The following ERAP2 variants were observed in gnomAD, a reference collection of about 807,000 sequenced individuals.
ERAP2 encodes the protein leukocyte-derived arginine aminopeptidase.
Under a neutral mutation model 111.1 loss-of-function variants are expected in ERAP2, and 118 were observed. That is an observed-to-expected ratio of 1.06 (90% CI 0.92 to 1.24). The LOEUF (loss-of-function observed/expected upper bound fraction) is 1.24, where lower values mean the gene tolerates loss of function less well. Among genes scored for constraint, ERAP2 ranks in the 50% most tolerant of loss-of-function variants. The pLI, the probability that ERAP2 is intolerant of heterozygous loss-of-function variation, is 0.00. For missense variants in ERAP2, 1,131 were observed against 1,125.8 expected (o/e 1.00, Z -0.07); for synonymous variants, 410 against 401.2 (o/e 1.02, Z -0.26).
At chr5:96,895,179 A>ACT (rs1554057217) in intron 6 of ERAP2, 67 bp from the exon 7 acceptor site, 4 of 937,634 alleles carry the variant, frequency 4.3e-6, no homozygotes, top group Admixed American at 4.8e-5. Flanking sequence ...TAACTATTGT[A>ACT]TTTTTTGCTA....
intron 18 of ERAP2, among the ~76,000 whole-genome samples, chr5:96,916,228 CA>C (rs1485865132): frequency 1.7e-5 from 2 of 117,100 alleles, no homozygotes; most frequent in East Asian, 2.6e-4. Context: ...CTCAAAAAAA[CA>C]AAAAACAAAA....
rs370227654 is a variant in ERAP2 at position 96,917,632 on chromosome 5, C to A, written c.*27C>A. On this transcript the variant is annotated 3_prime_UTR_variant, in exon 19 of 19. Transcript: ENST00000437043. ...TGGTCAATAGAAAAAGTAGGCTGGG[C>A]GCGGTGGCTCACGCCTGTAATCCCA... 1.9e-6 allele frequency: 3 copies of A among 1,586,186 alleles called. No individual in the cohort carries two copies. Among genetic ancestry groups the A allele is most frequent in the East Asian group, 4.6e-5 (2 of 43,404 alleles).
intron 15 of ERAP2, among the ~76,000 whole-genome samples, chr5:96,910,710 C>T (rs1158318258): frequency 2.6e-5 from 4 of 152,200 alleles, no homozygotes; most frequent in African/African-American, 9.7e-5. Context: ...TTTATGCTCA[C>T]AATCAAAAAT....
chr5:96,876,117 T>A (rs1221044181), upstream of ERAP2: 3 of 152,012 alleles, frequency 2.0e-5, no homozygotes, highest in Non-Finnish European at 4.4e-5. Flanking sequence ...GTTTGTGGGG[T>A]GGATGGGCAG....
At chr5:96,917,315 T>A in intron 18 of ERAP2, 147 bp from the exon 19 acceptor site, 1 of 565,888 alleles carries the variant, frequency 1.8e-6, no homozygotes, top group Admixed American at 3.5e-5. Context: ...AGTCAGGGGT[T>A]CTGGCATGTT....
rs1213585675 is a variant in ERAP2 at position 96,892,307 on chromosome 5, G to A, written c.979G>A (p.Ala327Thr). Residue 327 changes from alanine (A) to threonine (T), a missense_variant, in exon 6 of 19, where the codon GCT (alanine) becomes ACT (threonine). By Grantham distance (58) the Ala-to-Thr change is moderately conservative. Transcript: ENST00000437043. ...TTGTTCTTATTTCTTAGATTTAATT[G>A]CTATTCCTGACTTTGCACCTGGAGC... is the stretch of plus-strand genomic sequence containing the variant. The part of the protein sequence containing the change: ...YYPLSKLDLI[A>T]IPDFAPGAME... 2 of 1,613,686 alleles carry A rather than the reference G, an allele frequency of 1.2e-6. No individual in the cohort carries two copies. Among genetic ancestry groups the A allele is most frequent in the Admixed American group, 3.3e-5 (2 of 59,974 alleles).
intron 5 of ERAP2, 78 bp downstream of exon 5, chr5:96,889,383 A>G (rs745360068): frequency 7.3e-6 from 11 of 1,507,188 alleles, no homozygotes; most frequent in Admixed American, 1.7e-5. Context: ...TTCTCTTTCT[A>G]TGTGATTTAA....
chr5:96,889,103 T>C, intron 4 of ERAP2, 82 bp from the exon 5 acceptor site: 1 of 1,534,968 alleles, frequency 6.5e-7, no homozygotes, highest in East Asian at 2.3e-5. Flanking sequence ...ACAGTCTGCC[T>C]TTCTGTGTGA....
chr5:96,911,502 T>A (rs1786735059), intron 15 of ERAP2, among the ~76,000 whole-genome samples: 1 of 152,002 alleles, frequency 6.6e-6, no homozygotes, highest in Admixed American at 6.5e-5. Context: ...TTTTAAAAAA[T>A]TATAAAATAA....
At chr5:96,876,280 C>G (rs1271175726), upstream of ERAP2, 1 of 152,352 alleles carries the variant, frequency 6.6e-6, no homozygotes, top group Non-Finnish European at 1.5e-5. Context: ...GAAGTGGCAG[C>G]CACTGGCGAT....
chr5:96,883,369 T>C (rs1783358190), intron 2 of ERAP2, among the ~76,000 whole-genome samples: 1 of 152,230 alleles, frequency 6.6e-6, no homozygotes, highest in Non-Finnish European at 1.5e-5. Context: ...ATCACTCATG[T>C]ACACAATTAC....
intron 14 of ERAP2, 101 bp downstream of exon 14, chr5:96,909,218 G>A: frequency 8.7e-7 from 1 of 1,150,298 alleles, no homozygotes; most frequent in Non-Finnish European, 1.3e-6. Flanking sequence ...GTTAAATCTG[G>A]AGCAGCTCGG....
In ERAP2 at chr5:96,917,417, G is replaced by A. The variant is rs551517853; in HGVS notation, c.2740-45G>A. ...ATTACAGGTGTGAACCACCACACTCGGCCAAGACAAAGTGTTAGTAATTTT... is the reference window on the plus strand; with the variant it reads ...ATTACAGGTGTGAACCACCACACTCAGCCAAGACAAAGTGTTAGTAATTTT... On this transcript the variant is annotated intron_variant, in intron 18 of 18. Coordinates refer to ENST00000437043, the MANE Select transcript of ERAP2 (RefSeq NM_022350.5). 51 of 1,521,692 alleles carry A rather than the reference G, an allele frequency of 3.4e-5. No individual in the cohort carries two copies. In the Middle Eastern group the frequency reaches 5.9e-4, roughly 18 times the overall value. The allele number at this position is 1,521,692 out of a possible 1,614,324, so 94.3% of individuals were successfully genotyped here.
At chr5:96,916,549 C>T (rs1186497769) in intron 18 of ERAP2, among the ~76,000 whole-genome samples, 3 of 148,582 alleles carry the variant, frequency 2.0e-5, no homozygotes, top group Admixed American at 6.7e-5. Flanking sequence ...CTGCAAGCTC[C>T]GCCTCCCAGG....
chr5:96,877,006 G>A lies in ERAP2; in HGVS notation c.-123+479G>A, dbSNP rs182892952. Reference sequence around the variant, plus strand: ...TTTATTTATTTTGAGAGAGAGCCTCGCTCTGTCGCCCAGGCTGGAGTGCAG... The same window carrying A: ...TTTATTTATTTTGAGAGAGAGCCTCACTCTGTCGCCCAGGCTGGAGTGCAG... On this transcript the variant is annotated intron_variant, in intron 1 of 18. Transcript: ENST00000437043. 6.4e-4 allele frequency among the ~76,000 whole-genome samples: 98 copies of A among 152,098 alleles called. 2 individuals carry two copies. The East Asian group carries it at 0.011, about 17-fold the overall frequency.
intron 5 of ERAP2, among the ~76,000 whole-genome samples, chr5:96,890,215 G>A (rs971515480): frequency 3.3e-5 from 5 of 152,202 alleles, no homozygotes; most frequent in African/African-American, 9.6e-5. Flanking sequence ...GACCAGATTT[G>A]TGGAAACAAT....
chr5:96,876,435 C>T (rs1210301650), upstream of ERAP2: 3 of 152,310 alleles, frequency 2.0e-5, no homozygotes, highest in Non-Finnish European at 4.4e-5. Flanking sequence ...ACTTACTGTA[C>T]TCAGGAAGCA....
At chr5:96,915,658 A>G (rs773362970) in intron 17 of ERAP2, 30 bp from the exon 18 acceptor site, 87 of 1,383,082 alleles carry the variant, frequency 6.3e-5, no homozygotes, top group Admixed American at 2.4e-5. Context: ...TATTTCTATG[A>G]CTTTCTATGG....
rs1390377141 is a variant in ERAP2, at chr5:96,883,845, G to A, written c.629G>A (p.Cys210Tyr). Residue 210 changes from cysteine to tyrosine, a missense_variant, in exon 3 of 19, where the codon TGC becomes TAC. By Grantham distance (194) the Cys-to-Tyr change is radical. Around this residue, in one of 3 missense-constraint regions of ERAP2, gnomAD observed 847 missense variants for 856.5 expected, o/e 0.99. Transcript: ENST00000437043. ...EPTQARMAFP[C>Y]FDEPLFKANF... ...ACCCAGGCACGCATGGCTTTCCCTT[G>A]CTTTGATGAACCGTTGTTCAAAGCC... The A allele has an allele frequency of 3.7e-6, 6 of 1,613,702 alleles. No individual in the cohort carries two copies. Among genetic ancestry groups the A allele is most frequent in the East Asian group, 2.2e-5 (1 of 44,862 alleles).
Sources: allele counts gnomAD v4.1 joint callset (sites outside exome capture counted in the v4.1 genomes callset), GRCh38; gene constraint gnomAD v4.1.1; regional missense constraint gnomAD v4.1.1; transcripts MANE v1.5; gene names NCBI Gene and HGNC (gene_info 2026-07-23, HGNC 2026-07-21).